TAFA5: variants seen among roughly 807,000 people sequenced by gnomAD.
The protein encoded by TAFA5 is chemokine-like protein TAFA-5.
Under a neutral mutation model 15.3 loss-of-function variants are expected in TAFA5, and 6 were observed. The observed-to-expected ratio is 0.39, with a 90% CI of 0.21 to 0.77. TAFA5 has a LOEUF of 0.77. Among genes scored for constraint, TAFA5 ranks in the 30% least tolerant of loss-of-function variants. The pLI is 0.41. For missense variants in TAFA5, 161 were observed against 193.1 expected, an observed-to-expected ratio of 0.83 and a Z score of 0.98; for synonymous variants, 103 against 80.7, an observed-to-expected ratio of 1.28 and a Z score of -1.48.
At chr22:48,641,649 C>G (rs1331990740) in intron 1 of TAFA5, among the ~76,000 whole-genome samples, 1 of 150,996 alleles carries the variant, frequency 6.6e-6, no homozygotes, top group Non-Finnish European at 1.5e-5. Flanking sequence ...ACACCCTCCC[C>G]TCACACACGA....
chr22:48,493,633 A>G (rs1928229260), intron 1 of TAFA5, among the ~76,000 whole-genome samples: 1 of 152,060 alleles, frequency 6.6e-6, no homozygotes, highest in African/African-American at 2.4e-5. Context: ...CTGTGTTTTT[A>G]TTTGATGAAT....
chr22:48,651,469 C>G (rs141858174), intron 2 of TAFA5, among the ~76,000 whole-genome samples: 1 of 152,096 alleles, frequency 6.6e-6, no homozygotes, highest in Non-Finnish European at 1.5e-5. Flanking sequence ...TGAGGCCTTG[C>G]GAGCCACCTG....
At chr22:48,677,737 G>A (rs557450099) in intron 2 of TAFA5, among the ~76,000 whole-genome samples, 1 of 152,272 alleles carries the variant, frequency 6.6e-6, no homozygotes, top group South Asian at 2.1e-4. Flanking sequence ...GAAAAAGTGA[G>A]TCTCCCTCAC....
chr22:48,730,822 C>T (rs1929849496), intron 3 of TAFA5, among the ~76,000 whole-genome samples: 1 of 152,126 alleles, frequency 6.6e-6, no homozygotes, highest in Admixed American at 6.5e-5. Context: ...CACGGGCCTC[C>T]CTGTTCTCTG....
chr22:48,675,157 G>A (rs1481121979), intron 2 of TAFA5, among the ~76,000 whole-genome samples: 1 of 152,222 alleles, frequency 6.6e-6, no homozygotes, highest in Non-Finnish European at 1.5e-5. Context: ...GGCCAGGCTG[G>A]TCTCGAACTC....
intron 1 of TAFA5, among the ~76,000 whole-genome samples, chr22:48,537,810 A>T (rs1922222840): frequency 6.6e-6 from 1 of 152,202 alleles, no homozygotes; most frequent in South Asian, 2.1e-4. Context: ...CGGAGTGAAG[A>T]GAGCAGGAGA....
intron 1 of TAFA5, among the ~76,000 whole-genome samples, chr22:48,514,045 C>T (rs937990000): frequency 1.3e-5 from 2 of 152,062 alleles, no homozygotes; most frequent in South Asian, 2.1e-4. Context: ...GTAGACTCCC[C>T]GTCTTGGGGC....
chr22:48,543,096 G>A (rs1922520719), intron 1 of TAFA5, among the ~76,000 whole-genome samples: 1 of 151,942 alleles, frequency 6.6e-6, no homozygotes. Context: ...GTGGTCTGGG[G>A]TCTGCATCCA....
At chr22:48,701,187 G>C (rs1928894566) in intron 2 of TAFA5, among the ~76,000 whole-genome samples, 1 of 152,174 alleles carries the variant, frequency 6.6e-6, no homozygotes, top group Non-Finnish European at 1.5e-5. Context: ...GAGGACATGG[G>C]GCAGAGGGTA....
chr22:48,500,603 C>A (rs966487218), intron 1 of TAFA5, among the ~76,000 whole-genome samples: 7 of 152,244 alleles, frequency 4.6e-5, no homozygotes, highest in Admixed American at 3.9e-4. Flanking sequence ...CGCCTCTTCT[C>A]GGCTGAGCTG....
chr22:48,654,962 G>A (rs951011867), intron 2 of TAFA5, among the ~76,000 whole-genome samples: 2 of 152,196 alleles, frequency 1.3e-5, no homozygotes, highest in Non-Finnish European at 2.9e-5. Flanking sequence ...TGGGGTCTGC[G>A]GGCCCAGAGC....
intron 1 of TAFA5, among the ~76,000 whole-genome samples, chr22:48,572,472 C>G (rs892815536): frequency 5.3e-5 from 8 of 152,238 alleles, no homozygotes; most frequent in Non-Finnish European, 7.3e-5. Context: ...TTGTGCATTT[C>G]ACTCTTGGGA....
At chr22:48,700,349 C>T (rs554432826) in intron 2 of TAFA5, among the ~76,000 whole-genome samples, 3 of 152,282 alleles carry the variant, frequency 2.0e-5, no homozygotes, top group Middle Eastern at 3.4e-3. Flanking sequence ...GGCCTTTCCA[C>T]ACACACTAGG....
chr22:48,555,588 A>C lies in TAFA5; in HGVS notation c.112+65884A>C, dbSNP rs8140274. 8.8e-3 allele frequency among the ~76,000 whole-genome samples: 1,337 copies of C among 152,112 alleles called. 20 individuals are homozygous for C. The highest frequency in any genetic ancestry group is 0.031 in the African/African-American group (1,285 of 41,494). On this transcript the variant is annotated intron_variant, in intron 1 of 3. Transcript: ENST00000402357. ...CAAAAACAACAACAAAAATCCGCAA[A>C]CCCACTGAACACTGAGAAGCTGCTG...
At chr22:48,582,358 C>T (rs1293653862) in intron 1 of TAFA5, among the ~76,000 whole-genome samples, 3 of 149,252 alleles carry the variant, frequency 2.0e-5, no homozygotes, top group African/African-American at 7.4e-5. Context: ...ACACAAAATA[C>T]ACCACGTACC....
At chr22:48,746,338 A>G (rs1249714358) in intron 3 of TAFA5, among the ~76,000 whole-genome samples, 1 of 152,032 alleles carries the variant, frequency 6.6e-6, no homozygotes, top group African/African-American at 2.4e-5. Context: ...CATAAGAGAC[A>G]TTGACATCAG....
At chr22:48,728,656 C>T (rs1929775674) in intron 3 of TAFA5, among the ~76,000 whole-genome samples, 1 of 152,156 alleles carries the variant, frequency 6.6e-6, no homozygotes, top group African/African-American at 2.4e-5. Flanking sequence ...AGCTACTCAT[C>T]AGTGTATGTA....
chr22:48,651,527 C>T (rs13057977), intron 2 of TAFA5, among the ~76,000 whole-genome samples: 32,338 of 151,864 alleles, frequency 0.21, 4,057 homozygotes, highest in African/African-American at 0.32. Flanking sequence ...TGGGCACTGC[C>T]GGGTTCTGGG....
intron 1 of TAFA5, among the ~76,000 whole-genome samples, chr22:48,586,829 G>T (rs538337149): frequency 6.6e-6 from 1 of 152,236 alleles, no homozygotes; most frequent in Non-Finnish European, 1.5e-5. Flanking sequence ...CAGCCCCTTT[G>T]TCCAGACACT....
Sources: gnomAD v4.1 joint callset for allele counts (sites outside exome capture counted in the v4.1 genomes callset) on GRCh38, gnomAD v4.1.1 for gene constraint, MANE v1.5 for transcripts, NCBI Gene and HGNC (gene_info 2026-07-23, HGNC 2026-07-21) for gene names.